The following WRN variants were observed in gnomAD, a reference collection of about 807,000 sequenced individuals.
The protein encoded by WRN is WRN RecQ like helicase, also known as bifunctional 3'-5' exonuclease/ATP-dependent helicase WRN.
A neutral mutation model predicts 180.7 loss-of-function variants in WRN; 149 were observed. The ratio of observed to expected loss-of-function variants is 0.82; its 90% confidence interval spans 0.72 to 0.94. WRN has a LOEUF of 0.94. Among genes scored for constraint, WRN ranks in the 40% least tolerant of loss-of-function variants. The pLI is 0.00. For synonymous variants in WRN, 548 were observed against 568.9 expected (o/e 0.96, Z 0.52); for missense variants, 1,661 against 1,700.1 (o/e 0.98, Z 0.40).
chr8:31,157,461 C>G lies in WRN; in HGVS notation c.3913C>G (p.Arg1305Gly), dbSNP rs121908446. Reference sequence around the variant, plus strand: ...AGCTGGCTGCCCCCTTGATTTGGAGCGAGCAGGCCTGACTCCAGAGGTTCA... The same window carrying G: ...AGCTGGCTGCCCCCTTGATTTGGAGGGAGCAGGCCTGACTCCAGAGGTTCA... ...VKAGCPLDLE[R>G]AGLTPEVQKI... The change falls in exon 33 of 35, where the codon CGA becomes GGA. Residue 1305 changes from arginine (R) to glycine (G), a missense_variant. Coordinates refer to ENST00000298139, the MANE Select transcript of WRN (RefSeq NM_000553.6). 1 of 1,614,052 alleles carries G rather than the reference C, an allele frequency of 6.2e-7. No individual in the cohort carries two copies. Among genetic ancestry groups the G allele is most frequent in the Non-Finnish European group, 8.5e-7 (1 of 1,180,006 alleles).
rs1802898501 is a variant in WRN at position 31,147,351 on chromosome 8, G to GT, written c.3460-7dup. 2 of 1,612,132 alleles carry GT rather than the reference G, an allele frequency of 1.2e-6. No individual in the cohort carries two copies. The highest frequency in any genetic ancestry group is 1.3e-5 in the African/African-American group (1 of 74,856). On this transcript the variant is annotated splice_polypyrimidine_tract_variant and intron_variant, in intron 29 of 34. Transcript: ENST00000298139. ...ACACTTTAAAAAGTGTTGTTTCTTT[G>GT]TTTTTTGTTCAGATTGTGTTATATG...
chr8:31,075,938 A>T (rs1813078623), intron 7 of WRN, among the ~76,000 whole-genome samples: 1 of 152,220 alleles, frequency 6.6e-6, no homozygotes, highest in African/African-American at 2.4e-5. Context: ...CTGCTGGGTT[A>T]TAGTACAGAT....
At chr8:31,054,937 G>A (rs1031076167) in intron 1 of WRN, among the ~76,000 whole-genome samples, 2 of 152,006 alleles carry the variant, frequency 1.3e-5, no homozygotes, top group Non-Finnish European at 2.9e-5. Flanking sequence ...TATTCTCATC[G>A]TTCGGCTCCC....
chr8:31,157,493 T>A lies in WRN; in HGVS notation c.3945T>A (p.Ile1315=), dbSNP rs1187538279. ...GCCTGACTCCAGAGGTTCAGAAGATTATTGCTGATGTTATCCGAAACCCTC... is the reference window on the plus strand; with the variant it reads ...GCCTGACTCCAGAGGTTCAGAAGATAATTGCTGATGTTATCCGAAACCCTC... The part of the protein sequence containing the change: ...RAGLTPEVQK[I]IADVIRNPPV... Residue 1315 remains isoleucine, a synonymous_variant, in exon 33 of 35, where the codon ATT becomes ATA. Coordinates refer to ENST00000298139, the MANE Select transcript of WRN (RefSeq NM_000553.6). 4 of 1,614,010 alleles carry A rather than the reference T, an allele frequency of 2.5e-6. No homozygotes were observed. The highest frequency in any genetic ancestry group is 3.4e-6 in the Non-Finnish European group (4 of 1,180,024).
intron 23 of WRN, among the ~76,000 whole-genome samples, chr8:31,130,015 C>CCA (rs1554530255): frequency 7.8e-6 from 1 of 128,668 alleles, no homozygotes; most frequent in East Asian, 2.2e-4. Context: ...AAAAAAAAAA[C>CCA]AAAACAAAAC....
At chr8:31,110,951 T>C (rs1801289730) in intron 18 of WRN, among the ~76,000 whole-genome samples, 1 of 152,234 alleles carries the variant, frequency 6.6e-6, no homozygotes, top group African/African-American at 2.4e-5. Context: ...ATGCTTTTCC[T>C]GATAACTGCT....
intron 14 of WRN, 41 bp from the exon 15 acceptor site, chr8:31,090,793 A>G (rs541060695): frequency 1.4e-6 from 2 of 1,473,578 alleles, no homozygotes; most frequent in Admixed American, 1.8e-5. Flanking sequence ...TTTTATTTCT[A>G]TATTTTTTTC....
chr8:31,169,501 C>T (rs1192688355), intron 34 of WRN, among the ~76,000 whole-genome samples: 1 of 151,820 alleles, frequency 6.6e-6, no homozygotes, highest in Non-Finnish European at 1.5e-5. Flanking sequence ...AGATAATTTT[C>T]CTAATGTTTT....
chr8:31,038,579 C>G (rs1437040685), intron 1 of WRN, among the ~76,000 whole-genome samples: 1 of 152,000 alleles, frequency 6.6e-6, no homozygotes, highest in Non-Finnish European at 1.5e-5. Context: ...TCCAGTTTAT[C>G]TGTTTTTTCT....
Position 31,147,481 on chromosome 8 carries a change from A to C in WRN, c.3572+5A>C, listed in dbSNP as rs1382498725. ...GGTGGATATGGCCAAAATGAGGTAAACTATCTTTTGCATGTGTTCTATTTA... is the reference window on the plus strand; with the variant it reads ...GGTGGATATGGCCAAAATGAGGTAACCTATCTTTTGCATGTGTTCTATTTA... On this transcript the variant is annotated splice_donor_5th_base_variant and intron_variant, in intron 30 of 34. Coordinates refer to ENST00000298139, the MANE Select transcript of WRN (RefSeq NM_000553.6). 1 of 1,585,034 alleles carries C rather than the reference A, an allele frequency of 6.3e-7. No homozygotes were observed. Among genetic ancestry groups the C allele is most frequent in the African/African-American group, 1.5e-5 (1 of 66,890 alleles).
At chr8:31,071,353 G>A (rs1033376439) in intron 7 of WRN, among the ~76,000 whole-genome samples, 8 of 152,206 alleles carry the variant, frequency 5.3e-5, no homozygotes, top group African/African-American at 1.9e-4. Context: ...AATAAAAAAC[G>A]GATATAGGAG....
At chr8:31,050,317 A>G (rs975492835) in intron 1 of WRN, among the ~76,000 whole-genome samples, 23 of 152,312 alleles carry the variant, frequency 1.5e-4, no homozygotes, top group African/African-American at 5.3e-4. Context: ...GGATTCAGTT[A>G]CACCTTTATG....
intron 33 of WRN, among the ~76,000 whole-genome samples, chr8:31,158,373 T>A (rs1387122395): frequency 6.6e-6 from 1 of 151,420 alleles, no homozygotes; most frequent in Admixed American, 6.6e-5. Flanking sequence ...GCCCCTTTGC[T>A]TGCCCTGTAG....
intron 7 of WRN, among the ~76,000 whole-genome samples, chr8:31,072,350 A>C (rs1256612439): frequency 6.6e-6 from 1 of 152,212 alleles, no homozygotes; most frequent in African/African-American, 2.4e-5. Flanking sequence ...TGGGTAGCAA[A>C]AGAGTGATTT....
At chr8:31,075,957 A>G (rs573689620) in intron 7 of WRN, among the ~76,000 whole-genome samples, 2 of 152,306 alleles carry the variant, frequency 1.3e-5, no homozygotes, top group East Asian at 3.9e-4. Flanking sequence ...ATGACTGCAG[A>G]TCATTTGGAA....
intron 33 of WRN, among the ~76,000 whole-genome samples, chr8:31,162,572 ATCATTT>A (rs1393372542): frequency 2.0e-5 from 3 of 152,206 alleles, no homozygotes; most frequent in Non-Finnish European, 4.4e-5. Context: ...GTCATTTATT[ATCATTT>A]TCAAGTATTA....
At chr8:31,125,537 G>GATATATATATATATATAT (rs71206299) in intron 23 of WRN, among the ~76,000 whole-genome samples, 1,935 of 63,396 alleles carry the variant, frequency 0.031, 190 homozygotes, top group East Asian at 0.034. Context: ...ATATTATGGA[G>GATATATATATATATATAT]ATATATATAT....
chr8:31,103,942 G>C (rs1800983741), intron 18 of WRN, among the ~76,000 whole-genome samples: 1 of 151,986 alleles, frequency 6.6e-6, no homozygotes, highest in Non-Finnish European at 1.5e-5. Flanking sequence ...CACCGTGTTA[G>C]CCAGGATGGT....
At chr8:31,129,773 G>A (rs1029368126) in intron 23 of WRN, among the ~76,000 whole-genome samples, 13 of 151,962 alleles carry the variant, frequency 8.6e-5, no homozygotes, top group Non-Finnish European at 1.3e-4. Flanking sequence ...TTGGGAGGCC[G>A]AGGCTGGGGG....
Sources: gnomAD v4.1 joint callset for allele counts (sites outside exome capture counted in the v4.1 genomes callset) on GRCh38, gnomAD v4.1.1 for gene constraint, MANE v1.5 for transcripts, NCBI Gene and HGNC (gene_info 2026-07-23, HGNC 2026-07-21) for gene names.